The following KALRN variants were observed in gnomAD, a reference collection of about 807,000 sequenced individuals.
KALRN encodes the protein kalirin.
KALRN carries 70 observed loss-of-function variants against 353.7 expected under a neutral mutation model. That is an observed-to-expected ratio of 0.20 (90% CI 0.16 to 0.24). KALRN has a LOEUF of 0.24. Among genes scored for constraint, KALRN ranks in the 10% least tolerant of loss-of-function variants. The pLI is 1.00. For missense variants in KALRN, 2,791 were observed against 3,756.7 expected (o/e 0.74, Z 6.72); for synonymous variants, 1,391 against 1,434.8 (o/e 0.97, Z 0.69).
intron 6 of KALRN, among the ~76,000 whole-genome samples, chr3:124,299,846 C>T (rs940348874): frequency 1.3e-5 from 2 of 152,072 alleles, no homozygotes; most frequent in Non-Finnish European, 1.5e-5. Context: ...GCGTGGCTAC[C>T]CCAAGATTTT....
At chr3:124,084,657 A>C (rs1356992271) in intron 1 of KALRN, among the ~76,000 whole-genome samples, 1 of 152,228 alleles carries the variant, frequency 6.6e-6, no homozygotes, top group African/African-American at 2.4e-5. Flanking sequence ...GTTTTTAGTT[A>C]CAACACGTGA....
chr3:124,225,185 T>G (rs565968265), intron 1 of KALRN, among the ~76,000 whole-genome samples: 1 of 152,332 alleles, frequency 6.6e-6, no homozygotes, highest in African/African-American at 2.4e-5. Context: ...ATAGGTTTTA[T>G]ATGCAAGGTC....
At chr3:124,351,943 G>A (rs1291194552) in intron 10 of KALRN, among the ~76,000 whole-genome samples, 1 of 152,284 alleles carries the variant, frequency 6.6e-6, no homozygotes, top group Non-Finnish European at 1.5e-5. Context: ...AGTCATGACA[G>A]CCTCCCTAGA....
chr3:124,351,679 A>C (rs1362231644), intron 10 of KALRN, among the ~76,000 whole-genome samples: 1 of 152,248 alleles, frequency 6.6e-6, no homozygotes, highest in Non-Finnish European at 1.5e-5. Flanking sequence ...ACCAGTGGTC[A>C]GTCTTTGTAG....
At chr3:124,477,553 G>A (rs2061545587) in intron 27 of KALRN, among the ~76,000 whole-genome samples, 1 of 152,256 alleles carries the variant, frequency 6.6e-6, no homozygotes, top group African/African-American at 2.4e-5. Context: ...AGGCAAATTT[G>A]TCTCCATGCC....
rs147558924 is a variant in KALRN, at chr3:124,646,386, G to C, written c.5665-4422G>C. Among the ~76,000 whole-genome samples, 8 of 100,658 alleles carry C rather than the reference G, an allele frequency of 7.9e-5. No individual in the cohort carries two copies. The Admixed American group carries it at 8.0e-4, about 10-fold the overall frequency. 66.0% of individuals were successfully genotyped at this position (100,658 alleles called of 152,430 possible). On this transcript the variant is annotated intron_variant, in intron 37 of 59. Coordinates refer to ENST00000682506, the MANE Select transcript of KALRN (RefSeq NM_001388419.1). Reference sequence around the variant, plus strand: ...TATGTGACTGCTAGAGGGATCTTTTGTTTACTTTTTTTTTTTTTTTTTGAG... The same window carrying C: ...TATGTGACTGCTAGAGGGATCTTTTCTTTACTTTTTTTTTTTTTTTTTGAG...
chr3:124,655,487 T>G, intron 38 of KALRN, 114 bp from the exon 39 acceptor site: 1 of 747,516 alleles, frequency 1.3e-6, no homozygotes, highest in South Asian at 1.7e-5. Context: ...TAAGTGTGGG[T>G]GTTTTAAGGG....
At chr3:124,402,982 C>G (rs923046720) in intron 13 of KALRN, among the ~76,000 whole-genome samples, 4 of 152,096 alleles carry the variant, frequency 2.6e-5, no homozygotes, top group Non-Finnish European at 4.4e-5. Flanking sequence ...AACCACGTGT[C>G]TTTTTGTGAA....
Position 124,494,045 on chromosome 3 carries a change from T to C in KALRN, c.4832+1163T>C, listed in dbSNP as rs550942188. 1.1e-4 allele frequency among the ~76,000 whole-genome samples: 16 copies of C among 152,354 alleles called. No individual in the cohort carries two copies. In the South Asian group the frequency reaches 3.1e-3, roughly 30 times the overall value. ...ACAAAGAAATGATGGTCTAGGATCA[T>C]AGTGAAAGAGGATACTCAGGTGAGG... is the stretch of plus-strand genomic sequence containing the variant. On this transcript the variant is annotated intron_variant, in intron 32 of 59. Transcript: ENST00000682506.
chr3:124,586,225 GA>G (rs1232397402), intron 34 of KALRN, among the ~76,000 whole-genome samples: 1 of 152,202 alleles, frequency 6.6e-6, no homozygotes, highest in African/African-American at 2.4e-5. Flanking sequence ...GGAATTGAGG[GA>G]AAGGGGGAAT....
At chr3:124,095,287 G>T (rs977489037) in intron 1 of KALRN, among the ~76,000 whole-genome samples, 3 of 152,188 alleles carry the variant, frequency 2.0e-5, no homozygotes, top group Non-Finnish European at 2.9e-5. Flanking sequence ...GAAGCTGGGG[G>T]CAAACAGACT....
chr3:124,540,252 T>A (rs1306992408), intron 33 of KALRN, among the ~76,000 whole-genome samples: 1 of 152,180 alleles, frequency 6.6e-6, no homozygotes, highest in African/African-American at 2.4e-5. Context: ...TAAATGCATA[T>A]GTGATAAATG....
At chr3:124,348,874 C>A (rs538697250) in intron 10 of KALRN, among the ~76,000 whole-genome samples, 1 of 151,868 alleles carries the variant, frequency 6.6e-6, no homozygotes, top group South Asian at 2.1e-4. Flanking sequence ...CCTGCCACCA[C>A]ACCCGGCTAA....
chr3:124,352,690 T>A (rs2082957025), intron 10 of KALRN, among the ~76,000 whole-genome samples: 3 of 151,844 alleles, frequency 2.0e-5, no homozygotes, highest in South Asian at 2.1e-4. Flanking sequence ...TTTTTTTTTT[T>A]ATCAAACTTG....
rs147168272 is a variant in KALRN at position 124,433,013 on chromosome 3, TCTC to T, written c.2830-1291_2830-1289del. On this transcript the variant is annotated intron_variant, in intron 16 of 59. Coordinates refer to ENST00000682506, the MANE Select transcript of KALRN (RefSeq NM_001388419.1). ...GCTCCTTCTCCAGGTGGCCTGTGCTTCTCCTTAAATGTTTCAGTTCAGACTAGG... is the reference window on the plus strand; with the variant it reads ...GCTCCTTCTCCAGGTGGCCTGTGCTTCTTAAATGTTTCAGTTCAGACTAGG... Among the ~76,000 whole-genome samples, 791 of 152,260 alleles carry T rather than the reference TCTC, an allele frequency of 5.2e-3. 1 individual carries two copies. The highest frequency in any genetic ancestry group is 0.01 in the Middle Eastern group (3 of 294).
rs1561136282 is a variant in KALRN at position 124,495,978 on chromosome 3, T to TGTATATATATATATATATATATAC, written c.4833-333_4833-332insGTATATATATATATATATATATAC. Among the ~76,000 whole-genome samples the TGTATATATATATATATATATATAC allele has an allele frequency of 2.9e-3, 77 of 26,494 alleles. 4 individuals are homozygous for TGTATATATATATATATATATATAC. The highest frequency in any genetic ancestry group is 6.5e-3 in the South Asian group (5 of 774). 17.4% of individuals were successfully genotyped at this position (26,494 alleles called of 152,430 possible). On this transcript the variant is annotated intron_variant, in intron 32 of 59. Transcript: ENST00000682506. Reference sequence around the variant, plus strand: ...ATGTGTATGTATGTATATATATATATATATATATATATATATATATATATA... The same window carrying TGTATATATATATATATATATATAC: ...ATGTGTATGTATGTATATATATATATGTATATATATATATATATATATACATATATATATATATATATATATATA...
intron 1 of KALRN, among the ~76,000 whole-genome samples, chr3:124,047,089 C>G (rs1044688001): frequency 6.6e-6 from 1 of 150,820 alleles, no homozygotes; most frequent in African/African-American, 2.4e-5. Context: ...TTAGAGGGGA[C>G]TCCTTTTATC....
chr3:124,477,468 G>A, intron 27 of KALRN, 134 bp downstream of exon 27: 1 of 673,998 alleles, frequency 1.5e-6, no homozygotes. Flanking sequence ...CCTTAAGCAT[G>A]GAAAAAAAGC....
chr3:124,366,124 C>T (rs1288039857), intron 10 of KALRN, among the ~76,000 whole-genome samples: 1 of 152,034 alleles, frequency 6.6e-6, no homozygotes, highest in Non-Finnish European at 1.5e-5. Flanking sequence ...AAAGTCCAAA[C>T]TGTGAAAGGT....
Sources: gnomAD v4.1 joint callset for allele counts (sites outside exome capture counted in the v4.1 genomes callset) on GRCh38, gnomAD v4.1.1 for gene constraint, MANE v1.5 for transcripts, NCBI Gene and HGNC (gene_info 2026-07-23, HGNC 2026-07-21) for gene names.